The following PIK3CG variants were observed in gnomAD, a reference collection of about 807,000 sequenced individuals.
The protein encoded by PIK3CG is phosphatidylinositol 4,5-bisphosphate 3-kinase catalytic subunit gamma isoform.
Under a neutral mutation model 102.3 loss-of-function variants are expected in PIK3CG, and 55 were observed. That is an observed-to-expected ratio of 0.54 (90% CI 0.43 to 0.67). The LOEUF is 0.67. PIK3CG is among the 30% of genes least tolerant of loss of function. The pLI is 0.00. For synonymous variants in PIK3CG, 552 were observed against 540.0 expected (o/e 1.02, Z -0.31); for missense variants, 1,258 against 1,391.8 (o/e 0.90, Z 1.53).
chr7:106,888,245 C>T (rs1791163737), intron 10 of PIK3CG, among the ~76,000 whole-genome samples: 1 of 151,988 alleles, frequency 6.6e-6, no homozygotes, highest in African/African-American at 2.4e-5. Context: ...AGCCGACTCT[C>T]CTTCTTTTTG....
chr7:106,892,968 G>A lies in PIK3CG; in HGVS notation c.3030+6676G>A, dbSNP rs1393083009. Among the ~76,000 whole-genome samples the A allele has an allele frequency of 2.0e-5, 3 of 152,210 alleles. No homozygotes were observed. The highest frequency in any genetic ancestry group is 2.9e-5 in the Non-Finnish European group (2 of 68,032). On this transcript the variant is annotated intron_variant, in intron 10 of 10. Coordinates refer to ENST00000496166, the MANE Select transcript of PIK3CG (RefSeq NM_001282426.2). This position sits in a 1 kb window ranked among gnomAD's most constrained non-coding sequence, Gnocchi z 5.2. ...GATAGAAAGTGGTATTTCTGGAAGT[G>A]TGTAGTAGAATTTGAGTCAAGAAAG...
chr7:106,876,175 A>C (rs1584326474), intron 5 of PIK3CG, among the ~76,000 whole-genome samples: 1 of 151,612 alleles, frequency 6.6e-6, no homozygotes, highest in African/African-American at 2.4e-5. Flanking sequence ...CGGCCTCCCA[A>C]AGTGCTGGGA....
intron 10 of PIK3CG, among the ~76,000 whole-genome samples, chr7:106,898,913 G>A (rs1318554860): frequency 6.6e-6 from 1 of 152,104 alleles, no homozygotes; most frequent in Non-Finnish European, 1.5e-5. Flanking sequence ...TGTGAAGAAT[G>A]TCATTTGTAA....
chr7:106,903,296 G>C lies in PIK3CG; in HGVS notation c.3031-1813G>C, dbSNP rs565175612. On this transcript the variant is annotated intron_variant, in intron 10 of 10. Coordinates refer to ENST00000496166, the MANE Select transcript of PIK3CG (RefSeq NM_001282426.2). This position sits in a 1 kb window ranked among gnomAD's most constrained non-coding sequence, Gnocchi z 4.3. The stretch of plus-strand genomic sequence containing the variant: ...GTTCTCTCAGGCCCTAATTATTTCA[G>C]ATGAACTTTAAACCATATCTGAGTT... 2.6e-5 allele frequency among the ~76,000 whole-genome samples: 4 copies of C among 152,042 alleles called. No individual in the cohort carries two copies. The highest frequency in any genetic ancestry group is 4.1e-4 in the South Asian group (2 of 4,822).
rs2116619338 is a variant in PIK3CG, at chr7:106,905,315, A to C, written c.3237A>C (p.Gly1079=). ...LDQIEVCRDK[G]WTVQFNWFLH... ...AGATCGAAGTTTGCAGAGACAAAGG[A>C]TGGACTGTGCAGTTTAATTGGTTTC... The change falls in exon 11 of 11, where the codon GGA becomes GGC. Residue 1079 remains glycine (G), a synonymous_variant. Coordinates refer to ENST00000496166, the MANE Select transcript of PIK3CG (RefSeq NM_001282426.2). The surrounding 1 kb of genome is among the most constrained non-coding windows in gnomAD (Gnocchi z 5.6). 1 of 1,614,068 alleles carries C rather than the reference A, an allele frequency of 6.2e-7. No homozygotes were observed.
Position 106,905,013 on chromosome 7 carries a change from G to T in PIK3CG, c.3031-96G>T. The T allele has an allele frequency of 5.6e-6, 6 of 1,073,682 alleles. No homozygotes were observed. The South Asian group carries it at 9.1e-5, about 16-fold the overall frequency. The allele number at this position is 1,073,682 out of a possible 1,614,324, so 66.5% of individuals were successfully genotyped here. ...CTTGATGGTTTCTTCTCATGGACAG[G>T]TAACTCTATGTACATTTCAGTACAT... On this transcript the variant is annotated intron_variant, in intron 10 of 10. Transcript: ENST00000496166. The surrounding 1 kb of genome is among the most constrained non-coding windows in gnomAD (Gnocchi z 5.6).
At chr7:106,886,386 G>T (rs1333795078) in intron 10 of PIK3CG, 94 bp downstream of exon 10, 1 of 1,255,416 alleles carries the variant, frequency 8.0e-7, no homozygotes, top group Non-Finnish European at 1.1e-6. Flanking sequence ...CAGCTTGGAG[G>T]CCAGTCCAGC....
In PIK3CG at chr7:106,903,200, T is replaced by C. The variant is rs1215246940; in HGVS notation, c.3031-1909T>C. Among the ~76,000 whole-genome samples, 3 of 152,186 alleles carry C rather than the reference T, an allele frequency of 2.0e-5. No homozygotes were observed. Among genetic ancestry groups the C allele is most frequent in the Non-Finnish European group, 4.4e-5 (3 of 68,028 alleles). ...TACTGGTTCGCACTGTTTTTAATAA[T>C]GTAGTTTTATAAAATGGTTTAATAT... On this transcript the variant is annotated intron_variant, in intron 10 of 10. Transcript: ENST00000496166. The surrounding 1 kb of genome is among the most constrained non-coding windows in gnomAD (Gnocchi z 4.3).
rs2116617288 is a variant in PIK3CG, at chr7:106,905,142, C to T, written c.3064C>T (p.His1022Tyr). ...ICVKAYLALR[H>Y]HTNLLIILFS... The stretch of plus-strand genomic sequence containing the variant: ...TGTTAAGGCTTATCTAGCCCTTCGT[C>T]ATCACACAAACCTACTGATCATCCT... Residue 1022 changes from histidine (H) to tyrosine (Y), a missense_variant, in exon 11 of 11, where the codon CAT (histidine) becomes TAT (tyrosine). Physicochemically the swap from His to Tyr is moderately conservative, Grantham distance 83. Around this residue, in one of 2 missense-constraint regions of PIK3CG, gnomAD observed 426 missense variants for 604.2 expected, o/e 0.71. Coordinates refer to ENST00000496166, the MANE Select transcript of PIK3CG (RefSeq NM_001282426.2). The surrounding 1 kb of genome is among the most constrained non-coding windows in gnomAD (Gnocchi z 5.6). The T allele has an allele frequency of 6.2e-7, 1 of 1,614,032 alleles. No homozygotes were observed. Among genetic ancestry groups the T allele is most frequent in the Middle Eastern group, 1.6e-4 (1 of 6,062 alleles).
In PIK3CG at chr7:106,892,335, C is replaced by A. The variant is rs144283799; in HGVS notation, c.3030+6043C>A. Among the ~76,000 whole-genome samples the A allele has an allele frequency of 4.6e-5, 7 of 152,310 alleles. No individual in the cohort carries two copies. Among genetic ancestry groups the A allele is most frequent in the East Asian group, 1.9e-4 (1 of 5,182 alleles). On this transcript the variant is annotated intron_variant, in intron 10 of 10. Coordinates refer to ENST00000496166, the MANE Select transcript of PIK3CG (RefSeq NM_001282426.2). The surrounding 1 kb of genome is among the most constrained non-coding windows in gnomAD (Gnocchi z 5.2). ...GCTCTAGCCTGTTATAGTTACCAGG[C>A]CTTATTCACCATATCCAAAATAGGA... is the stretch of plus-strand genomic sequence containing the variant.
In PIK3CG at chr7:106,872,595, G is replaced by T. The variant is rs750877559; in HGVS notation, c.2054G>T (p.Gly685Val). The change falls in exon 3 of 11, where the codon GGT (glycine) becomes GTT (valine). Residue 685 changes from glycine (G) to valine (V), a missense_variant. Physicochemically the swap from Gly to Val is moderately radical, Grantham distance 109. This residue lies in a region of PIK3CG where 426 missense variants were observed against 604.2 expected (regional missense o/e 0.71). Transcript: ENST00000496166. This position sits in a 1 kb window ranked among gnomAD's most constrained non-coding sequence, Gnocchi z 5.3. ...CTTGCCAGATTTCTGCTGAAGCGTGGTTTAAGAGTAAGTACTTCCATTTTG... is the reference window on the plus strand; with the variant it reads ...CTTGCCAGATTTCTGCTGAAGCGTGTTTTAAGAGTAAGTACTTCCATTTTG... ...SALARFLLKRGLRNKRIGHFL... is the reference protein window; with the variant it reads ...SALARFLLKRVLRNKRIGHFL... 1 of 1,613,666 alleles carries T rather than the reference G, an allele frequency of 6.2e-7. No homozygotes were observed. Among genetic ancestry groups the T allele is most frequent in the South Asian group, 1.1e-5 (1 of 91,080 alleles).
chr7:106,892,693 T>TTGTGC lies in PIK3CG; in HGVS notation c.3030+6403_3030+6407dup, dbSNP rs2116585284. On this transcript the variant is annotated intron_variant, in intron 10 of 10. Transcript: ENST00000496166. The surrounding 1 kb of genome is among the most constrained non-coding windows in gnomAD (Gnocchi z 5.2). ...ACACAACTTTGTGCCAAGAAATACC[T>TTGTGC]TGTGCTAAGAGTGTCCACAGTGGTT... Among the ~76,000 whole-genome samples, 2 of 152,306 alleles carry TTGTGC rather than the reference T, an allele frequency of 1.3e-5. No individual in the cohort carries two copies. Among genetic ancestry groups the TTGTGC allele is most frequent in the South Asian group, 2.1e-4 (1 of 4,828 alleles).
At position 106,869,077 on chromosome 7, in the gene PIK3CG, AC is replaced by A. The variant is rs1562955236; in HGVS notation, c.1517del (p.Thr506IlefsTer22). Reference sequence around the variant, plus strand: ...CAATGCTGACAAACTCACGTCTGCAACTAACCCAGACAAGGAGAACTCAATG... The same window carrying A: ...CAATGCTGACAAACTCACGTCTGCAATAACCCAGACAAGGAGAACTCAATG... ...SFNADKLTSATNPDKENSMSI... is the reference protein window; with the variant it reads ...SFNADKLTSAXNPDKENSMSI... On this transcript the variant is annotated frameshift_variant, in exon 2 of 11. Coordinates refer to ENST00000496166, the MANE Select transcript of PIK3CG (RefSeq NM_001282426.2). LOFTEE classifies it high-confidence loss of function. This position sits in a 1 kb window ranked among gnomAD's most constrained non-coding sequence, Gnocchi z 5.3. 6.2e-7 allele frequency: 1 copy of A among 1,614,214 alleles called. No individual in the cohort carries two copies. Among genetic ancestry groups the A allele is most frequent in the Non-Finnish European group, 8.5e-7 (1 of 1,180,028 alleles).
At chr7:106,876,053 T>C (rs1344674564) in intron 5 of PIK3CG, among the ~76,000 whole-genome samples, 2 of 150,964 alleles carry the variant, frequency 1.3e-5, no homozygotes, top group Admixed American at 6.6e-5. Context: ...TAGCTGGGAC[T>C]ACAGGCGCCC....
Position 106,879,554 on chromosome 7 carries a change from A to G in PIK3CG, c.2427A>G (p.Lys809=), listed in dbSNP as rs774360750. Residue 809 remains lysine, a synonymous_variant, in exon 6 of 11, where the codon AAA becomes AAG. Transcript: ENST00000496166. This position sits in a 1 kb window ranked among gnomAD's most constrained non-coding sequence, Gnocchi z 4.9. ...GTAAAGTAATGGCCTCCAAGAAAAAACCACTATGGCTTGAGTTTAAATGTG... is the reference window on the plus strand; with the variant it reads ...GTAAAGTAATGGCCTCCAAGAAAAAGCCACTATGGCTTGAGTTTAAATGTG... The part of the protein sequence containing the change: ...EKCKVMASKK[K]PLWLEFKCAD... The G allele has an allele frequency of 6.2e-7, 1 of 1,613,660 alleles. No homozygotes were observed. Among genetic ancestry groups the G allele is most frequent in the Non-Finnish European group, 8.5e-7 (1 of 1,179,722 alleles).
intron 10 of PIK3CG, among the ~76,000 whole-genome samples, chr7:106,898,905 T>C (rs1040529196): frequency 2.6e-5 from 4 of 152,250 alleles, no homozygotes; most frequent in Admixed American, 1.3e-4. Flanking sequence ...TCTAGTTCTG[T>C]GAAGAATGTC....
At chr7:106,871,673 T>TTTGC (rs911030557) in intron 2 of PIK3CG, among the ~76,000 whole-genome samples, 13 of 151,802 alleles carry the variant, frequency 8.6e-5, no homozygotes, top group Non-Finnish European at 1.6e-4. Context: ...CTGAACAATG[T>TTTGC]TAGTGTTGCT....
Position 106,907,838 on chromosome 7 carries a change from G to GTATATATATATA in PIK3CG, c.*2459_*2470dup, listed in dbSNP as rs142177460. On this transcript the variant is annotated 3_prime_UTR_variant, in exon 11 of 11. Coordinates refer to ENST00000496166, the MANE Select transcript of PIK3CG (RefSeq NM_001282426.2). ...TATATATATATATGTATGTGTGTGTGTATATATATATATATATATCACAGT... is the reference window on the plus strand; with the variant it reads ...TATATATATATATGTATGTGTGTGTGTATATATATATATATATATATATATATATATCACAGT... Among the ~76,000 whole-genome samples the GTATATATATATA allele has an allele frequency of 7.4e-6, 1 of 135,290 alleles. No homozygotes were observed. The allele number at this position is 135,290 out of a possible 152,430, so 88.8% of individuals were successfully genotyped here.
Position 106,879,785 on chromosome 7 carries a change from A to G in PIK3CG, c.2538+120A>G. 2.7e-6 allele frequency: 2 copies of G among 748,982 alleles called. No individual in the cohort carries two copies. 46.4% of individuals were successfully genotyped at this position (748,982 alleles called of 1,614,324 possible). A position where few individuals can be genotyped will look rare whatever the true frequency, so the allele number is the denominator to read the frequency against. On this transcript the variant is annotated intron_variant, in intron 6 of 10. Transcript: ENST00000496166. The surrounding 1 kb of genome is among the most constrained non-coding windows in gnomAD (Gnocchi z 4.9). ...TTCTTTCAAGTGATGAATTGTGATC[A>G]AATATTACATCATAGAGAGTTTTCA...
Sources: gnomAD v4.1 joint callset for allele counts (sites outside exome capture counted in the v4.1 genomes callset) on GRCh38, gnomAD v4.1.1 for gene constraint, gnomAD v4.1.1 regional missense constraint, Gnocchi (gnomAD v3.1) non-coding constraint, MANE v1.5 for transcripts, NCBI Gene and HGNC (gene_info 2026-07-23, HGNC 2026-07-21) for gene names.